Variants in CDON observed in about 807,000 individuals in gnomAD.
CDON encodes cell adhesion associated, oncogene regulated, also known as cell adhesion molecule-related/down-regulated by oncogenes.
In CDON, 73 loss-of-function variants were observed where a neutral mutation model predicts 120.9. The observed-to-expected ratio is 0.60, with a 90% CI of 0.50 to 0.73. The LOEUF (loss-of-function observed/expected upper bound fraction) is 0.73, where lower values mean the gene tolerates loss of function less well. Among genes scored for constraint, CDON ranks in the 30% least tolerant of loss-of-function variants. The pLI, the probability that CDON is intolerant of heterozygous loss-of-function variation, is 0.00. For synonymous variants in CDON, 566 were observed against 573.5 expected (o/e 0.99, Z 0.19); for missense variants, 1,470 against 1,587.3 (o/e 0.93, Z 1.26).
rs1591389575 is a variant in CDON, at chr11:126,016,399, G to C, written c.928+689C>G. On this transcript the variant is annotated intron_variant, in intron 6 of 19. Coordinates refer to ENST00000531738, the MANE Select transcript of CDON (RefSeq NM_001378964.1). ...GCATTGGTAAGAGCACCCAAAAAAA[G>C]AAAATTAAATTAAATAGATTGATTT... Among the ~76,000 whole-genome samples the C allele has an allele frequency of 2.6e-5, 4 of 152,184 alleles. 1 individual carries two copies. Among genetic ancestry groups the C allele is most frequent in the Admixed American group, 2.6e-4 (4 of 15,292 alleles).
chr11:125,996,424 T>C (rs1946784532), intron 12 of CDON, among the ~76,000 whole-genome samples: 1 of 152,080 alleles, frequency 6.6e-6, no homozygotes, highest in South Asian at 2.1e-4. Context: ...GGCACGATCC[T>C]GCGGTGGCTC....
chr11:126,062,774 AGGGC>A lies in CDON; in HGVS notation c.-261_-258del. On this transcript the variant is annotated 5_prime_UTR_variant, in exon 1 of 20. Transcript: ENST00000531738. ...GCACGCCGGGGCTGGGGCGCTGGGC[AGGGC>A]GGGCGGGCGTGGGGTCCCGGGTCTC... 6.6e-6 allele frequency: 1 copy of A among 150,874 alleles called. No homozygotes were observed. The highest frequency in any genetic ancestry group is 1.5e-5 in the Non-Finnish European group (1 of 67,620). The allele number at this position is 150,874 out of a possible 1,614,324, so 9.3% of individuals were successfully genotyped here. A position where few individuals can be genotyped will look rare whatever the true frequency, so the allele number is the denominator to read the frequency against.
At chr11:126,005,657 G>A (rs920900328) in intron 9 of CDON, 102 bp downstream of exon 9, 46 of 1,098,940 alleles carry the variant, frequency 4.2e-5, no homozygotes, top group Non-Finnish European at 6.2e-5. Context: ...GAAGACTCTT[G>A]TTCTGTTTCC....
intron 2 of CDON, 34 bp from the exon 3 acceptor site, chr11:126,021,554 CAG>C: frequency 6.3e-7 from 1 of 1,598,384 alleles, no homozygotes; most frequent in Non-Finnish European, 8.6e-7. Context: ...GCAAAGAAAG[CAG>C]GGGAGAAAAG....
intron 18 of CDON, among the ~76,000 whole-genome samples, chr11:125,975,935 T>C (rs954441730): frequency 1.3e-5 from 2 of 152,204 alleles, no homozygotes. Flanking sequence ...CCAAAAATCA[T>C]ATGAGGCCCA....
In CDON at chr11:126,001,995, A is replaced by G. The variant is rs563847430; in HGVS notation, c.2027-145T>C. The G allele has an allele frequency of 1.5e-3, 1,013 of 678,038 alleles. 16 individuals are homozygous for G. The highest frequency in any genetic ancestry group is 7.3e-4 in the Middle Eastern group (2 of 2,756). The allele number at this position is 678,038 out of a possible 1,614,324, so 42.0% of individuals were successfully genotyped here. A position where few individuals can be genotyped will look rare whatever the true frequency, so the allele number is the denominator to read the frequency against. On this transcript the variant is annotated intron_variant, in intron 10 of 19. Transcript: ENST00000531738. ...AGCATCTAAATGTAAGACCTACTTC[A>G]TAAATACTTAGCTGATCTGAGGAAC...
intron 18 of CDON, among the ~76,000 whole-genome samples, chr11:125,975,419 T>C (rs187279587): frequency 1.1e-4 from 16 of 143,244 alleles, no homozygotes; most frequent in South Asian, 6.8e-4. Context: ...TAATAAATAA[T>C]ATTTAATAGG....
At chr11:126,022,966 T>C (rs1429584971) in intron 2 of CDON, among the ~76,000 whole-genome samples, 1 of 152,180 alleles carries the variant, frequency 6.6e-6, no homozygotes, top group African/African-American at 2.4e-5. Context: ...GGCAAGCTCA[T>C]AAGAGAAAGT....
At chr11:126,014,963 G>A (rs1947417099) in intron 7 of CDON, 1 of 431,574 alleles carries the variant, frequency 2.3e-6, no homozygotes, top group Admixed American at 3.7e-5. Flanking sequence ...GACTGTCTAG[G>A]GAATAAGAGT....
In CDON at chr11:125,961,960, G is replaced by C. The variant is rs754025360; in HGVS notation, c.3395C>G (p.Pro1132Arg). 11 of 1,614,122 alleles carry C rather than the reference G, an allele frequency of 6.8e-6. No individual in the cohort carries two copies. The highest frequency in any genetic ancestry group is 9.3e-6 in the Non-Finnish European group (11 of 1,180,056). ...TGCTACCACAGGGACCACAGGAGGAGGGCTGCTGCTGAAAGTGCTGTTGGT... is the reference window on the plus strand; with the variant it reads ...TGCTACCACAGGGACCACAGGAGGACGGCTGCTGCTGAAAGTGCTGTTGGT... ...TKTNSTFSSS[P>R]PPVVPVVAPY... is the part of the protein sequence containing the mutation. The change falls in exon 19 of 20, where the codon CCT (proline) becomes CGT (arginine). Residue 1132 changes from proline to arginine, a missense_variant. By Grantham distance (103) the Pro-to-Arg change is moderately radical. Transcript: ENST00000531738.
intron 1 of CDON, among the ~76,000 whole-genome samples, chr11:126,029,413 A>G (rs1313002180): frequency 6.6e-6 from 1 of 152,188 alleles, no homozygotes; most frequent in Non-Finnish European, 1.5e-5. Context: ...GTTTTAACTC[A>G]TTACACATGT....
intron 7 of CDON, 183 bp from the exon 8 acceptor site, chr11:126,010,877 T>C (rs935041209): frequency 2.9e-5 from 19 of 658,972 alleles, no homozygotes; most frequent in African/African-American, 1.2e-4. Context: ...AGTTGTTTCA[T>C]AGCTGTGGGC....
intron 5 of CDON, among the ~76,000 whole-genome samples, chr11:126,017,791 A>G (rs1001230066): frequency 1.3e-5 from 2 of 152,088 alleles, no homozygotes; most frequent in African/African-American, 4.8e-5. Flanking sequence ...TCTTGTTTGA[A>G]CAAAGGGCAA....
intron 14 of CDON, among the ~76,000 whole-genome samples, chr11:125,993,250 C>T (rs1467297002): frequency 6.6e-6 from 1 of 152,198 alleles, no homozygotes; most frequent in East Asian, 1.9e-4. Flanking sequence ...GCCACCTCAC[C>T]ACTGTAGGGG....
chr11:125,972,319 T>G (rs1946025155), intron 18 of CDON, among the ~76,000 whole-genome samples: 1 of 152,102 alleles, frequency 6.6e-6, no homozygotes, highest in Middle Eastern at 3.4e-3. Context: ...TTCCAGCTAC[T>G]AAGGAGGCTG....
chr11:125,991,345 T>C lies in CDON; in HGVS notation c.2651-1586A>G, dbSNP rs868374862. ...CAACCAGCATGTATCCTTTGATTAA[T>C]AGGCAATTATTTTCCCAAAGGATAT... On this transcript the variant is annotated intron_variant, in intron 14 of 19. Transcript: ENST00000531738. Among the ~76,000 whole-genome samples, 42 of 152,294 alleles carry C rather than the reference T, an allele frequency of 2.8e-4. No homozygotes were observed. The Middle Eastern group carries it at 0.017, about 62-fold the overall frequency.
At chr11:125,992,431 T>C (rs1946657711) in intron 14 of CDON, among the ~76,000 whole-genome samples, 1 of 152,236 alleles carries the variant, frequency 6.6e-6, no homozygotes, top group Non-Finnish European at 1.5e-5. Flanking sequence ...GTTCACAAGC[T>C]GGACATGCTC....
intron 1 of CDON, among the ~76,000 whole-genome samples, chr11:126,036,602 T>G (rs1948103081): frequency 6.6e-6 from 1 of 152,222 alleles, no homozygotes; most frequent in South Asian, 2.1e-4. Context: ...GCCTCACTCT[T>G]CTTTGAAGGA....
chr11:126,052,870 A>G (rs576343869), intron 1 of CDON, among the ~76,000 whole-genome samples: 11 of 152,238 alleles, frequency 7.2e-5, no homozygotes, highest in African/African-American at 2.6e-4. Context: ...TATAACAGCT[A>G]TTTACATAGC....
Sources: gnomAD v4.1 joint callset for allele counts (sites outside exome capture counted in the v4.1 genomes callset) on GRCh38, gnomAD v4.1.1 for gene constraint, MANE v1.5 for transcripts, NCBI Gene and HGNC (gene_info 2026-07-23, HGNC 2026-07-21) for gene names.